Variants in ADAMTSL1 observed in about 807,000 individuals in gnomAD.
The protein encoded by ADAMTSL1 is ADAMTS-like protein 1.
In ADAMTSL1, 126 loss-of-function variants were observed where a neutral mutation model predicts 201.8. The ratio of observed to expected loss-of-function variants is 0.62; its 90% CI spans 0.54 to 0.72. ADAMTSL1 has a LOEUF of 0.72. ADAMTSL1 is among the 30% of genes least tolerant of loss of function. The probability of loss-of-function intolerance (pLI) is 0.00; values close to 1 mark genes in which losing one functional copy is unlikely to be tolerated. For synonymous variants in ADAMTSL1, 1,121 were observed against 903.4 expected (o/e 1.24, Z -4.32); for missense variants, 2,679 against 2,277.8 (o/e 1.18, Z -3.59).
At chr9:18,109,250 C>A (rs1824897136) in intron 1 of ADAMTSL1, among the ~76,000 whole-genome samples, 1 of 152,146 alleles carries the variant, frequency 6.6e-6, no homozygotes. Flanking sequence ...TGTGTTCTCT[C>A]TTTCCCTTCC....
intron 13 of ADAMTSL1, among the ~76,000 whole-genome samples, chr9:18,692,147 T>C (rs1831264105): frequency 6.6e-6 from 1 of 152,222 alleles, no homozygotes; most frequent in South Asian, 2.1e-4. Flanking sequence ...ATAAGCACCA[T>C]ACTTTTAATT....
At chr9:18,802,229 C>T (rs1487982432) in intron 20 of ADAMTSL1, among the ~76,000 whole-genome samples, 1 of 152,074 alleles carries the variant, frequency 6.6e-6, no homozygotes, top group African/African-American at 2.4e-5. Flanking sequence ...TGAGCCAATA[C>T]CACTGCACTC....
At chr9:18,351,053 G>T (rs191764090) in intron 2 of ADAMTSL1, among the ~76,000 whole-genome samples, 65 of 152,116 alleles carry the variant, frequency 4.3e-4, no homozygotes, top group Admixed American at 9.8e-4. Flanking sequence ...TTGTAACCTC[G>T]TTACAATGAA....
intron 2 of ADAMTSL1, among the ~76,000 whole-genome samples, chr9:18,224,882 G>A (rs1174587428): frequency 1.3e-5 from 2 of 151,938 alleles, no homozygotes; most frequent in African/African-American, 4.8e-5. Flanking sequence ...CTGTCCTTTT[G>A]GTGTTCCGTA....
intron 2 of ADAMTSL1, among the ~76,000 whole-genome samples, chr9:18,431,707 T>A (rs1819499246): frequency 6.6e-6 from 1 of 152,100 alleles, no homozygotes; most frequent in South Asian, 2.1e-4. Flanking sequence ...CCCAAAGTCT[T>A]CTGTGTCTGA....
At chr9:18,671,652 G>A (rs889545699) in intron 9 of ADAMTSL1, among the ~76,000 whole-genome samples, 5 of 152,154 alleles carry the variant, frequency 3.3e-5, no homozygotes, top group African/African-American at 9.7e-5. Context: ...AATCAGAAAC[G>A]AAGATTTGCA....
At chr9:17,924,554 C>T (rs76788851) in intron 1 of ADAMTSL1, among the ~76,000 whole-genome samples, 2 of 149,968 alleles carry the variant, frequency 1.3e-5, no homozygotes, top group African/African-American at 2.5e-5. Context: ...ACGCCGCATA[C>T]CTACAACTAT....
At chr9:18,656,631 A>C (rs1342051582) in intron 7 of ADAMTSL1, among the ~76,000 whole-genome samples, 2 of 149,870 alleles carry the variant, frequency 1.3e-5, no homozygotes, top group African/African-American at 4.9e-5. Flanking sequence ...TCCATCGCAA[A>C]AAAAAAAAAA....
At chr9:18,105,671 G>A (rs1030312805) in intron 1 of ADAMTSL1, among the ~76,000 whole-genome samples, 5 of 152,162 alleles carry the variant, frequency 3.3e-5, no homozygotes, top group Non-Finnish European at 5.9e-5. Flanking sequence ...AATGCCAAAT[G>A]CAATAAAGGA....
chr9:17,989,828 ATTT>A (rs897798444), intron 1 of ADAMTSL1, among the ~76,000 whole-genome samples: 4 of 145,768 alleles, frequency 2.7e-5, no homozygotes, highest in Admixed American at 6.9e-5. Context: ...ATAGCATCTG[ATTT>A]TTTTTTTTAG....
chr9:18,231,204 C>T (rs1036442642), intron 2 of ADAMTSL1, among the ~76,000 whole-genome samples: 3 of 152,162 alleles, frequency 2.0e-5, no homozygotes, highest in Non-Finnish European at 4.4e-5. Flanking sequence ...CTTCTCTGTA[C>T]CCCTTGGTAC....
chr9:18,141,225 G>C (rs1219974688), intron 1 of ADAMTSL1, among the ~76,000 whole-genome samples: 1 of 152,138 alleles, frequency 6.6e-6, no homozygotes, highest in African/African-American at 2.4e-5. Flanking sequence ...CAATAGTGCT[G>C]AGCTCAGTGA....
intron 2 of ADAMTSL1, among the ~76,000 whole-genome samples, chr9:18,165,769 G>C (rs1349629020): frequency 6.6e-6 from 1 of 151,940 alleles, no homozygotes. Context: ...TCTGTGGAAG[G>C]TGTGTCTCCA....
chr9:18,031,642 C>A (rs1489589444), intron 1 of ADAMTSL1, among the ~76,000 whole-genome samples: 3 of 152,186 alleles, frequency 2.0e-5, no homozygotes, highest in Non-Finnish European at 4.4e-5. Flanking sequence ...TACCTGCCCC[C>A]ACCCACCCTC....
chr9:18,269,392 A>C (rs889255684), intron 2 of ADAMTSL1, among the ~76,000 whole-genome samples: 3 of 152,242 alleles, frequency 2.0e-5, no homozygotes, highest in Non-Finnish European at 4.4e-5. Flanking sequence ...ATTTCTTGAG[A>C]CCTTCTCTCT....
At chr9:18,892,772 A>T (rs1393270674) in intron 26 of ADAMTSL1, among the ~76,000 whole-genome samples, 176 bp downstream of exon 26, 1 of 152,066 alleles carries the variant, frequency 6.6e-6, no homozygotes, top group Admixed American at 6.5e-5. Flanking sequence ...GCAGGCTTTT[A>T]ATTCTTTGTG....
intron 1 of ADAMTSL1, among the ~76,000 whole-genome samples, chr9:17,926,869 A>T (rs556978561): frequency 6.6e-6 from 1 of 152,148 alleles, no homozygotes; most frequent in Non-Finnish European, 1.5e-5. Context: ...TCTTTATCTT[A>T]CCCATTAAAA....
At chr9:18,538,135 A>T (rs1819906917) in intron 3 of ADAMTSL1, among the ~76,000 whole-genome samples, 2 of 152,070 alleles carry the variant, frequency 1.3e-5, no homozygotes, top group African/African-American at 4.8e-5. Flanking sequence ...CAGGGGGAAG[A>T]AGCAGAAATT....
At chr9:18,388,509 A>G (rs1164353477) in intron 2 of ADAMTSL1, among the ~76,000 whole-genome samples, 2 of 151,948 alleles carry the variant, frequency 1.3e-5, no homozygotes, top group Non-Finnish European at 2.9e-5. Context: ...CCTGACCTCA[A>G]GTGTTCTGCC....
Sources: allele counts gnomAD v4.1 joint callset (sites outside exome capture counted in the v4.1 genomes callset), GRCh38; gene constraint gnomAD v4.1.1; transcripts MANE v1.5; gene names NCBI Gene and HGNC (gene_info 2026-07-23, HGNC 2026-07-21).